The following SND1 variants were observed in gnomAD, a reference collection of about 807,000 sequenced individuals.
The protein encoded by SND1 is staphylococcal nuclease domain-containing protein 1.
SND1 carries 38 observed loss-of-function variants against 121.7 expected under a neutral mutation model. The ratio of observed to expected loss-of-function variants is 0.31; its 90% confidence interval spans 0.24 to 0.41. SND1 has a LOEUF of 0.41. Ranked by LOEUF, SND1 falls within the 10% of genes least tolerant of loss-of-function variation. SND1 has a pLI of 1.00. For synonymous variants in SND1, 401 were observed against 447.4 expected, an observed-to-expected ratio of 0.90 and a Z score of 1.31; for missense variants, 868 against 1,184.6, an observed-to-expected ratio of 0.73 and a Z score of 3.92.
chr7:128,088,610 G>A (rs1039036924), intron 21 of SND1, among the ~76,000 whole-genome samples: 3 of 151,678 alleles, frequency 2.0e-5, no homozygotes, highest in African/African-American at 4.8e-5. Context: ...CCGCCACCAC[G>A]CCCAGCTAAT....
intron 10 of SND1, 45 bp downstream of exon 10, chr7:127,721,445 G>T: frequency 9.2e-7 from 1 of 1,085,088 alleles, no homozygotes; most frequent in Non-Finnish European, 1.4e-6. Flanking sequence ...AAACCAAAAG[G>T]AAGAAGTTGG....
At chr7:127,762,625 T>C (rs1308991449) in intron 10 of SND1, among the ~76,000 whole-genome samples, 3 of 152,254 alleles carry the variant, frequency 2.0e-5, no homozygotes, top group Non-Finnish European at 4.4e-5. Context: ...TACCTAAACA[T>C]AGTTGGCAGC....
chr7:127,932,970 T>C (rs1285364997), intron 15 of SND1, among the ~76,000 whole-genome samples: 2 of 152,218 alleles, frequency 1.3e-5, no homozygotes. Flanking sequence ...TATATTCATC[T>C]CATCCTCTGC....
chr7:127,805,269 C>T (rs933028504), intron 10 of SND1, among the ~76,000 whole-genome samples: 2 of 152,096 alleles, frequency 1.3e-5, no homozygotes, highest in South Asian at 2.1e-4. Context: ...TTCATGTTTA[C>T]GGTCATATCC....
intron 15 of SND1, among the ~76,000 whole-genome samples, chr7:127,944,038 T>C (rs1270943264): frequency 6.6e-6 from 1 of 152,210 alleles, no homozygotes; most frequent in Non-Finnish European, 1.5e-5. Flanking sequence ...ACTTCCACTA[T>C]GCCATTGGCT....
At chr7:128,021,575 T>C (rs892991837) in intron 16 of SND1, among the ~76,000 whole-genome samples, 5 of 152,166 alleles carry the variant, frequency 3.3e-5, no homozygotes, top group African/African-American at 1.2e-4. Flanking sequence ...ACACTTAGTG[T>C]GTGAAAGCTC....
chr7:127,830,416 G>T (rs1031041008), intron 11 of SND1, among the ~76,000 whole-genome samples: 3 of 152,094 alleles, frequency 2.0e-5, no homozygotes, highest in Non-Finnish European at 4.4e-5. Flanking sequence ...TGGTGAGAGT[G>T]GGGAGAGGAA....
At chr7:127,993,510 G>A (rs1013626636) in intron 16 of SND1, among the ~76,000 whole-genome samples, 11 of 152,326 alleles carry the variant, frequency 7.2e-5, no homozygotes, top group African/African-American at 2.6e-4. Context: ...TTACCTTCCA[G>A]GCAGCCTCTA....
At chr7:127,708,391 T>TTCCCTTCCTCCCTTCC (rs1424914084) in intron 9 of SND1, among the ~76,000 whole-genome samples, 3 of 137,064 alleles carry the variant, frequency 2.2e-5, no homozygotes, top group Non-Finnish European at 3.1e-5. Context: ...TCCTTCCTTC[T>TTCCCTTCCTCCCTTCC]TCCCTTCCTC....
chr7:127,919,218 G>A (rs1800649468), intron 14 of SND1, among the ~76,000 whole-genome samples: 1 of 152,086 alleles, frequency 6.6e-6, no homozygotes. Flanking sequence ...CATTTATTTT[G>A]ATTTTAAGGT....
rs370442602 is a variant in SND1 at position 127,652,413 on chromosome 7, C to T, written c.40C>T (p.Pro14Ser). The T allele has an allele frequency of 8.3e-6, 13 of 1,569,550 alleles. No individual in the cohort carries two copies. Among genetic ancestry groups the T allele is most frequent in the African/African-American group, 8.0e-5 (6 of 74,614 alleles). The change falls in exon 1 of 24, where the codon CCC (proline) becomes TCC (serine). Residue 14 changes from proline (P) to serine (S), a missense_variant. Transcript: ENST00000354725. ...GCAGAGCGGCGGCTCCTCCGGGGGA[C>T]CCGCGGTCCCCACCGTGCAGCGGGG... Reference protein sequence around the residue: ...SAQSGGSSGGPAVPTVQRGII... With the variant: ...SAQSGGSSGGSAVPTVQRGII...
At chr7:127,737,930 G>C (rs1296470964) in intron 10 of SND1, among the ~76,000 whole-genome samples, 1 of 152,162 alleles carries the variant, frequency 6.6e-6, no homozygotes, top group Non-Finnish European at 1.5e-5. Flanking sequence ...ACAGTGTACT[G>C]TCTGTGTTCC....
intron 12 of SND1, among the ~76,000 whole-genome samples, chr7:127,849,100 G>T (rs1799119944): frequency 6.6e-6 from 1 of 152,102 alleles, no homozygotes; most frequent in Admixed American, 6.6e-5. Flanking sequence ...TCATTCTCTG[G>T]TTCCTGGGTT....
chr7:127,997,568 C>T (rs1049994745), intron 16 of SND1: 35 of 412,802 alleles, frequency 8.5e-5, no homozygotes, highest in Admixed American at 2.6e-4. Context: ...ATTCCTATAT[C>T]TAATGTTTCT....
In SND1 at chr7:127,666,274, A is replaced by G. The variant is rs185283833; in HGVS notation, c.78+13823A>G. Among the ~76,000 whole-genome samples the G allele has an allele frequency of 3.0e-4, 45 of 152,284 alleles. No homozygotes were observed. In the East Asian group the frequency reaches 8.3e-3, roughly 28 times the overall value. On this transcript the variant is annotated intron_variant, in intron 1 of 23. Coordinates refer to ENST00000354725, the MANE Select transcript of SND1 (RefSeq NM_014390.4). ...AGGCGATGTGGGGCTGCTAGCCCGG[A>G]CTGCTTGGTTTCCATTTAATCCTTA...
At chr7:127,976,367 T>C (rs6972816) in intron 15 of SND1, among the ~76,000 whole-genome samples, 14,786 of 152,326 alleles carry the variant, frequency 0.097, 1,650 homozygotes, top group African/African-American at 0.27. Flanking sequence ...TAATACCTCC[T>C]GCATGGCTGC....
intron 14 of SND1, among the ~76,000 whole-genome samples, chr7:127,918,858 A>G (rs1800641650): frequency 6.6e-6 from 1 of 152,234 alleles, no homozygotes; most frequent in African/African-American, 2.4e-5. Flanking sequence ...TAACAACATC[A>G]TCCTATAAAT....
Position 127,945,674 on chromosome 7 carries a change from C to T in SND1, c.1669+16345C>T, listed in dbSNP as rs143851820. On this transcript the variant is annotated intron_variant, in intron 15 of 23. Transcript: ENST00000354725. ...GAGCCTTGAACAGGTCACAGAGCCTCGCCAGGCCTCAGATTTTTTTCACAG... is the reference window on the plus strand; with the variant it reads ...GAGCCTTGAACAGGTCACAGAGCCTTGCCAGGCCTCAGATTTTTTTCACAG... Among the ~76,000 whole-genome samples the T allele has an allele frequency of 1.1e-3, 171 of 152,212 alleles. 2 individuals are homozygous for T. The East Asian group carries it at 0.02, about 17-fold the overall frequency.
intron 16 of SND1, among the ~76,000 whole-genome samples, chr7:128,036,065 T>C (rs1003585038): frequency 1.3e-5 from 2 of 152,058 alleles, no homozygotes; most frequent in Admixed American, 6.6e-5. Flanking sequence ...TTTGGGAAAC[T>C]AGAAAGAAAA....
Sources: allele counts gnomAD v4.1 joint callset (sites outside exome capture counted in the v4.1 genomes callset), GRCh38; gene constraint gnomAD v4.1.1; transcripts MANE v1.5; gene names NCBI Gene and HGNC (gene_info 2026-07-23, HGNC 2026-07-21).